The following SORL1 variants were observed in gnomAD, a reference collection of about 807,000 sequenced individuals.
SORL1 encodes the protein sortilin-related receptor.
A neutral mutation model predicts 273.7 loss-of-function variants in SORL1; 127 were observed. That is an observed-to-expected ratio of 0.46 (90% CI 0.40 to 0.54). The LOEUF is 0.54. Ranked by LOEUF, SORL1 falls within the 20% of genes least tolerant of loss-of-function variation. The pLI, the probability that SORL1 is intolerant of heterozygous loss-of-function variation, is 0.00. For missense variants in SORL1, 2,494 were observed against 2,846.1 expected (o/e 0.88, Z 2.81); for synonymous variants, 1,031 against 1,067.4 (o/e 0.97, Z 0.66).
At chr11:121,611,334 A>G in intron 39 of SORL1, 176 bp downstream of exon 39, 1 of 511,338 alleles carries the variant, frequency 2.0e-6, no homozygotes, top group Non-Finnish European at 3.5e-6. Context: ...CCCATGAAGA[A>G]CAACTTGAGT....
intron 14 of SORL1, among the ~76,000 whole-genome samples, chr11:121,545,915 C>T (rs1862418907): frequency 6.6e-6 from 1 of 152,208 alleles, no homozygotes; most frequent in Non-Finnish European, 1.5e-5. Context: ...TTGTGCATGG[C>T]TAATTGGCAC....
At chr11:121,516,151 G>A (rs1339819670) in intron 8 of SORL1, among the ~76,000 whole-genome samples, 5 of 152,210 alleles carry the variant, frequency 3.3e-5, no homozygotes, top group Non-Finnish European at 7.3e-5. Context: ...TCAATGCTGT[G>A]TGGGAATTTG....
At chr11:121,603,529 C>T (rs970490386) in intron 32 of SORL1, among the ~76,000 whole-genome samples, 1 of 152,272 alleles carries the variant, frequency 6.6e-6, no homozygotes, top group Non-Finnish European at 1.5e-5. Flanking sequence ...GAGCACATCA[C>T]ATTTTGGTCA....
rs147113628 is a variant in SORL1 at position 121,487,966 on chromosome 11, G to C, written c.529-66G>C. On this transcript the variant is annotated intron_variant, in intron 3 of 47. Coordinates refer to ENST00000260197, the MANE Select transcript of SORL1 (RefSeq NM_003105.6). The stretch of plus-strand genomic sequence containing the variant: ...TGTGTACTCGTGTGGACTCGCACAT[G>C]GTTTAGGGGAGTGTTGGGCAGCTCT... 1.1e-4 allele frequency: 164 copies of C among 1,555,854 alleles called. 1 individual carries two copies. The East Asian group carries it at 3.6e-3, about 35-fold the overall frequency.
chr11:121,478,630 G>T (rs1157439904), intron 3 of SORL1, among the ~76,000 whole-genome samples: 2 of 152,132 alleles, frequency 1.3e-5, no homozygotes, highest in Non-Finnish European at 2.9e-5. Context: ...GCGTGCTTAT[G>T]CGTGCTTGTA....
At position 121,544,743 on chromosome 11, in the gene SORL1, A is replaced by G. The variant is rs1039669178; in HGVS notation, c.1865-500A>G. Among the ~76,000 whole-genome samples the G allele has an allele frequency of 3.8e-4, 58 of 152,162 alleles. 1 individual carries two copies. Among genetic ancestry groups the G allele is most frequent in the African/African-American group, 1.3e-3 (55 of 41,442 alleles). ...ACGTGGCAGATGGAGTGATGGTGCA[A>G]GGTATCTTAGCATTTTCCAGCCTCT... On this transcript the variant is annotated intron_variant, in intron 13 of 47. Coordinates refer to ENST00000260197, the MANE Select transcript of SORL1 (RefSeq NM_003105.6).
In SORL1 at chr11:121,579,915, A is replaced by G. The variant is rs563244643; in HGVS notation, c.3580+2515A>G. Among the ~76,000 whole-genome samples, 30 of 152,264 alleles carry G rather than the reference A, an allele frequency of 2.0e-4. 1 individual carries two copies. Among genetic ancestry groups the G allele is most frequent in the Middle Eastern group, 6.8e-3 (2 of 294 alleles). On this transcript the variant is annotated intron_variant, in intron 25 of 47. Coordinates refer to ENST00000260197, the MANE Select transcript of SORL1 (RefSeq NM_003105.6). Reference sequence around the variant, plus strand: ...ATTATAGACATATATTTAATCCTCAATCTTGAATTCAAATGGGTCTGGGTT... The same window carrying G: ...ATTATAGACATATATTTAATCCTCAGTCTTGAATTCAAATGGGTCTGGGTT...
intron 36 of SORL1, 23 bp from the exon 37 acceptor site, chr11:121,607,163 C>T (rs750221379): frequency 6.9e-7 from 1 of 1,453,264 alleles, no homozygotes; most frequent in African/African-American, 1.4e-5. Context: ...CCTTTACTCA[C>T]ATTTTTTTTC....
At position 121,452,785 on chromosome 11, in the gene SORL1, A is replaced by G. The variant is rs921785310; in HGVS notation, c.285+169A>G. 10 of 544,900 alleles carry G rather than the reference A, an allele frequency of 1.8e-5. No homozygotes were observed. The highest frequency in any genetic ancestry group is 4.7e-4 in the Middle Eastern group (1 of 2,112). 33.8% of individuals were successfully genotyped at this position (544,900 alleles called of 1,614,324 possible). A position where few individuals can be genotyped will look rare whatever the true frequency, so the allele number is the denominator to read the frequency against. On this transcript the variant is annotated intron_variant, in intron 1 of 47. Transcript: ENST00000260197. The surrounding 1 kb of genome is among the most constrained non-coding windows in gnomAD (Gnocchi z 5.3). ...GTACAACCGTCAGCACTTGAATCGC[A>G]TTGATCTTTCCTTCTTCCTGTCGAT...
At chr11:121,590,728 C>T in intron 30 of SORL1, 2 of 676,058 alleles carry the variant, frequency 3.0e-6, no homozygotes, top group Non-Finnish European at 5.4e-6. Flanking sequence ...TTTCTTTCAC[C>T]AGCCCCTGCA....
chr11:121,512,871 T>G, intron 6 of SORL1, 132 bp from the exon 7 acceptor site: 1 of 662,190 alleles, frequency 1.5e-6, no homozygotes, highest in South Asian at 1.9e-5. Flanking sequence ...AAAACATGAA[T>G]TTGCAATCAC....
intron 32 of SORL1, 64 bp from the exon 33 acceptor site, chr11:121,604,129 G>C: frequency 6.3e-7 from 1 of 1,582,388 alleles, no homozygotes; most frequent in African/African-American, 1.3e-5. Context: ...GAATAAACTT[G>C]GGCCCAGCCT....
intron 21 of SORL1, among the ~76,000 whole-genome samples, chr11:121,564,695 G>C (rs1472791978): frequency 6.6e-6 from 1 of 151,958 alleles, no homozygotes; most frequent in Non-Finnish European, 1.5e-5. Flanking sequence ...TCCCACTTCA[G>C]CCTCTGAAGT....
intron 1 of SORL1, among the ~76,000 whole-genome samples, chr11:121,459,795 G>C (rs1860965086): frequency 6.6e-6 from 1 of 152,202 alleles, no homozygotes; most frequent in Admixed American, 6.5e-5. Flanking sequence ...CCTTGATGTA[G>C]CTGGGTCTGT....
intron 29 of SORL1, 53 bp from the exon 30 acceptor site, chr11:121,589,987 T>G: frequency 6.3e-7 from 1 of 1,596,846 alleles, no homozygotes; most frequent in Non-Finnish European, 8.5e-7. Context: ...GTTGGAGCCC[T>G]GTGTTCACAC....
chr11:121,602,280 A>G (rs910747542), intron 32 of SORL1, among the ~76,000 whole-genome samples: 4 of 152,232 alleles, frequency 2.6e-5, no homozygotes, highest in African/African-American at 9.6e-5. Context: ...GAAAAGCCTC[A>G]TAAGTGGTTT....
In SORL1 at chr11:121,554,031, A is replaced by G; in HGVS notation, c.2361A>G (p.Leu787=). Residue 787 remains leucine, a synonymous_variant, in exon 17 of 48, where the codon CTA becomes CTG. Coordinates refer to ENST00000260197, the MANE Select transcript of SORL1 (RefSeq NM_003105.6). The surrounding 1 kb of genome is among the most constrained non-coding windows in gnomAD (Gnocchi z 4.6). ...CCGAGCAGTTGCCTCTCACCGGGCT[A>G]CGGGCAGCAGTGGCCCTGGACTTTG... ...GATEQLPLTG[L]RAAVALDFDY... 6.2e-7 allele frequency: 1 copy of G among 1,614,212 alleles called. No individual in the cohort carries two copies. Among genetic ancestry groups the G allele is most frequent in the Non-Finnish European group, 8.5e-7 (1 of 1,180,020 alleles).
rs1430087418 is a variant in SORL1, at chr11:121,559,780, C to T, written c.3049+123C>T. The T allele has an allele frequency of 6.5e-6, 5 of 770,890 alleles. No homozygotes were observed. In the African/African-American group the frequency reaches 8.8e-5, roughly 14 times the overall value. 47.8% of individuals were successfully genotyped at this position (770,890 alleles called of 1,614,324 possible). ...ATCTTTGTTGTCACGACAACATGCACATTATTTAATTTCTTCCTAATGACA... is the reference window on the plus strand; with the variant it reads ...ATCTTTGTTGTCACGACAACATGCATATTATTTAATTTCTTCCTAATGACA... On this transcript the variant is annotated intron_variant, in intron 21 of 47. Transcript: ENST00000260197.
Position 121,632,596 on chromosome 11 carries a change from C to G in SORL1, c.*3033C>G, listed in dbSNP as rs1863890378. ...TCTCCTGCCCATCATGTTTGGCCCA[C>G]TAGATGAAGCTGTACTCAGCAATTT... On this transcript the variant is annotated 3_prime_UTR_variant, in exon 48 of 48. Transcript: ENST00000260197. 1 of 151,312 alleles carries G rather than the reference C, an allele frequency of 6.6e-6. No homozygotes were observed. Among genetic ancestry groups the G allele is most frequent in the African/African-American group, 2.4e-5 (1 of 41,118 alleles). 9.4% of individuals were successfully genotyped at this position (151,312 alleles called of 1,614,324 possible).
Sources: allele counts gnomAD v4.1 joint callset (sites outside exome capture counted in the v4.1 genomes callset), GRCh38; gene constraint gnomAD v4.1.1; non-coding constraint Gnocchi (gnomAD v3.1); transcripts MANE v1.5; gene names NCBI Gene and HGNC (gene_info 2026-07-23, HGNC 2026-07-21).